FBN2: variants seen among roughly 807,000 people sequenced by gnomAD.
The protein encoded by FBN2 is fibrillin 2, also known as fibrillin-2.
FBN2 carries 105 observed loss-of-function variants against 355.6 expected under a neutral mutation model. The ratio of observed to expected loss-of-function variants is 0.30; its 90% confidence interval spans 0.25 to 0.35. FBN2 has a LOEUF of 0.35. FBN2 is among the 10% of genes least tolerant of loss of function. FBN2 has a pLI of 1.00. For missense variants in FBN2, 3,280 were observed against 3,758.7 expected, an observed-to-expected ratio of 0.87 and a Z score of 3.33; for synonymous variants, 1,350 against 1,301.2, an observed-to-expected ratio of 1.04 and a Z score of -0.81.
At chr5:128,463,480 T>C (rs1450341308) in intron 6 of FBN2, among the ~76,000 whole-genome samples, 4 of 152,138 alleles carry the variant, frequency 2.6e-5, no homozygotes, top group Non-Finnish European at 5.9e-5. Context: ...AATGTTTTAG[T>C]TATATAGTCA....
At chr5:128,447,317 G>A (rs998223354) in intron 6 of FBN2, among the ~76,000 whole-genome samples, 11 of 152,256 alleles carry the variant, frequency 7.2e-5, no homozygotes, top group Middle Eastern at 3.4e-3. Flanking sequence ...GAGAAATATC[G>A]CTGAATTCGT....
At chr5:128,499,350 C>T (rs1755742032) in intron 5 of FBN2, among the ~76,000 whole-genome samples, 1 of 151,786 alleles carries the variant, frequency 6.6e-6, no homozygotes, top group South Asian at 2.1e-4. Flanking sequence ...ATAAAAATGC[C>T]CTGGGGTACT....
chr5:128,518,140 G>A (rs529527814), intron 5 of FBN2, among the ~76,000 whole-genome samples: 2 of 152,198 alleles, frequency 1.3e-5, no homozygotes, highest in African/African-American at 4.8e-5. Flanking sequence ...CTGGCCTAGA[G>A]GGAGCCAGCA....
chr5:128,506,215 C>T (rs1055282823), intron 5 of FBN2, among the ~76,000 whole-genome samples: 5 of 152,208 alleles, frequency 3.3e-5, no homozygotes, highest in Middle Eastern at 3.4e-3. Flanking sequence ...AAGACTTTTG[C>T]TGTGATTTTG....
At chr5:128,413,486 ACT>A (rs1210697320) in intron 7 of FBN2, among the ~76,000 whole-genome samples, 1 of 152,070 alleles carries the variant, frequency 6.6e-6, no homozygotes, top group Non-Finnish European at 1.5e-5. Context: ...TAATGTGAAG[ACT>A]CTGAACACAG....
chr5:128,534,409 G>A (rs193291128), intron 2 of FBN2, among the ~76,000 whole-genome samples: 2 of 152,242 alleles, frequency 1.3e-5, no homozygotes, highest in Admixed American at 6.5e-5. Context: ...CATTAAATGA[G>A]ACTCATGCAA....
intron 5 of FBN2, among the ~76,000 whole-genome samples, chr5:128,509,641 A>G (rs1756059047): frequency 7.8e-6 from 1 of 128,846 alleles, no homozygotes; most frequent in Non-Finnish European, 1.6e-5. Flanking sequence ...TTGATTAGAT[A>G]CCATGTATTG....
intron 7 of FBN2, among the ~76,000 whole-genome samples, chr5:128,431,706 C>T (rs1399990424): frequency 6.6e-6 from 1 of 152,140 alleles, no homozygotes; most frequent in Non-Finnish European, 1.5e-5. Flanking sequence ...ACTACTCTAG[C>T]ACTTTGGGGC....
intron 48 of FBN2, among the ~76,000 whole-genome samples, chr5:128,292,905 G>T (rs568283672): frequency 6.6e-6 from 1 of 152,078 alleles, no homozygotes; most frequent in African/African-American, 2.4e-5. Flanking sequence ...CTCCTGAACA[G>T]ACCTCCAGTA....
At chr5:128,460,837 C>G (rs1344564706) in intron 6 of FBN2, among the ~76,000 whole-genome samples, 1 of 152,166 alleles carries the variant, frequency 6.6e-6, no homozygotes, top group Non-Finnish European at 1.5e-5. Context: ...CCCTTCCTTA[C>G]ACCTTATACA....
intron 2 of FBN2, among the ~76,000 whole-genome samples, chr5:128,532,165 A>G (rs1394599249): frequency 2.6e-5 from 4 of 152,150 alleles, no homozygotes; most frequent in African/African-American, 9.7e-5. Flanking sequence ...CTACCCTGTG[A>G]TCAATCTTTG....
At chr5:128,334,906 C>T in intron 30 of FBN2, 62 bp from the exon 31 acceptor site, 3 of 1,425,374 alleles carry the variant, frequency 2.1e-6, no homozygotes, top group Non-Finnish European at 3.0e-6. Context: ...AAGCTATCTT[C>T]TACACTGAAT....
At chr5:128,418,524 T>C (rs1753263834) in intron 7 of FBN2, among the ~76,000 whole-genome samples, 1 of 152,250 alleles carries the variant, frequency 6.6e-6, no homozygotes, top group South Asian at 2.1e-4. Context: ...TTGTATAACA[T>C]AGGTTTTGGT....
At chr5:128,391,920 C>G in intron 11 of FBN2, 98 bp downstream of exon 11, 1 of 1,165,518 alleles carries the variant, frequency 8.6e-7, no homozygotes, top group Non-Finnish European at 1.3e-6. Flanking sequence ...AGCTGTATTT[C>G]AAAAGACTTA....
At chr5:128,323,040 A>G (rs112235663) in intron 34 of FBN2, among the ~76,000 whole-genome samples, 2 of 152,204 alleles carry the variant, frequency 1.3e-5, no homozygotes, top group East Asian at 3.9e-4. Context: ...GCAATTGTGA[A>G]TGGGAGTTCA....
intron 7 of FBN2, among the ~76,000 whole-genome samples, chr5:128,437,527 G>T (rs550987244): frequency 6.6e-6 from 1 of 152,148 alleles, no homozygotes; most frequent in Admixed American, 6.5e-5. Context: ...TTATATGGGG[G>T]CCTCATAACC....
chr5:128,462,859 A>G (rs1171206307), intron 6 of FBN2, among the ~76,000 whole-genome samples: 8 of 152,134 alleles, frequency 5.3e-5, no homozygotes, highest in Non-Finnish European at 1.2e-4. Flanking sequence ...AAGTATTTCA[A>G]TCTTAATGTC....
At chr5:128,370,062 T>TG (rs1751889882) in intron 15 of FBN2, among the ~76,000 whole-genome samples, 1 of 152,186 alleles carries the variant, frequency 6.6e-6, no homozygotes. Flanking sequence ...GTGCCTGAGT[T>TG]GGGGTTCAGA....
intron 6 of FBN2, among the ~76,000 whole-genome samples, chr5:128,459,508 C>T (rs559053847): frequency 2.0e-5 from 3 of 148,322 alleles, no homozygotes; most frequent in Non-Finnish European, 4.5e-5. Flanking sequence ...ACAACAACAA[C>T]AAAAAACTTG....
Sources: allele counts gnomAD v4.1 joint callset (sites outside exome capture counted in the v4.1 genomes callset), GRCh38; gene constraint gnomAD v4.1.1; transcripts MANE v1.5; gene names NCBI Gene and HGNC (gene_info 2026-07-23, HGNC 2026-07-21).